Variants in PDHX observed in about 807,000 individuals in gnomAD.
PDHX encodes the protein pyruvate dehydrogenase complex component X.
In PDHX, 33 loss-of-function variants were observed where a neutral mutation model predicts 55.3. That is an observed-to-expected ratio of 0.60 (90% CI 0.45 to 0.80). The LOEUF is 0.80. PDHX is among the 30% of genes least tolerant of loss of function. The pLI is 0.00. For synonymous variants in PDHX, 226 were observed against 219.4 expected, an observed-to-expected ratio of 1.03 and a Z score of -0.27; for missense variants, 622 against 619.9, an observed-to-expected ratio of 1.00 and a Z score of -0.04.
intron 9 of PDHX, among the ~76,000 whole-genome samples, chr11:34,991,274 A>G (rs1855752141): frequency 6.6e-6 from 1 of 152,196 alleles, no homozygotes; most frequent in Non-Finnish European, 1.5e-5. Context: ...ATCAAGAACC[A>G]AAAGAAGTCT....
At chr11:34,972,025 TCAC>T (rs1351979708) in intron 7 of PDHX, among the ~76,000 whole-genome samples, 2 of 151,790 alleles carry the variant, frequency 1.3e-5, no homozygotes. Context: ...ATAAAGTTAT[TCAC>T]CACATTACCT....
chr11:34,945,281 A>G (rs1003538884), intron 2 of PDHX, among the ~76,000 whole-genome samples: 5 of 152,198 alleles, frequency 3.3e-5, no homozygotes, highest in Admixed American at 1.3e-4. Context: ...TAAACCCTCA[A>G]ACATTACTTT....
At chr11:34,926,319 C>T (rs370259165) in intron 1 of PDHX, among the ~76,000 whole-genome samples, 2 of 152,130 alleles carry the variant, frequency 1.3e-5, no homozygotes, top group South Asian at 2.1e-4. Context: ...TTGAAGGCTC[C>T]GTTTTATTTA....
chr11:34,981,085 G>A (rs959476200), intron 8 of PDHX, among the ~76,000 whole-genome samples: 1 of 151,860 alleles, frequency 6.6e-6, no homozygotes, highest in South Asian at 2.1e-4. Context: ...TGCCGTGTTG[G>A]TGTGCTGCAC....
intron 3 of PDHX, among the ~76,000 whole-genome samples, chr11:34,956,048 A>G (rs1854900228): frequency 6.6e-6 from 1 of 152,212 alleles, no homozygotes; most frequent in Admixed American, 6.5e-5. Context: ...ATCTTAACTC[A>G]TCTTTTTGAC....
At chr11:34,954,688 A>G (rs996065396) in intron 3 of PDHX, among the ~76,000 whole-genome samples, 2 of 152,208 alleles carry the variant, frequency 1.3e-5, no homozygotes, top group Admixed American at 1.3e-4. Context: ...AAAAATCCAT[A>G]ATTTGAAGGA....
intron 2 of PDHX, among the ~76,000 whole-genome samples, chr11:34,945,339 T>G (rs1185340545): frequency 6.6e-6 from 1 of 152,210 alleles, no homozygotes; most frequent in Admixed American, 6.5e-5. Flanking sequence ...ATAACTTGTT[T>G]CTTATAGCCC....
In PDHX at chr11:34,995,042, C is replaced by G; in HGVS notation, c.1376C>G (p.Ala459Gly). The G allele has an allele frequency of 1.9e-6, 3 of 1,614,024 alleles. No homozygotes were observed. The highest frequency in any genetic ancestry group is 2.5e-6 in the Non-Finnish European group (3 of 1,179,940). Reference protein sequence around the residue: ...LKLTEDEEGNAKLQQRQLITV... With the variant: ...LKLTEDEEGNGKLQQRQLITV... ...CTCACTGAGGATGAAGAGGGAAATG[C>G]CAAACTGCAGCAGCGCCAGCTCATA... Residue 459 changes from alanine (A) to glycine (G), a missense_variant, in exon 11 of 11, where the codon GCC (alanine) becomes GGC (glycine). Transcript: ENST00000227868.
chr11:34,987,658 A>T (rs1473999420), intron 9 of PDHX, among the ~76,000 whole-genome samples: 1 of 152,030 alleles, frequency 6.6e-6, no homozygotes, highest in Non-Finnish European at 1.5e-5. Flanking sequence ...TAGGCTCTAT[A>T]GAGATATGTT....
intron 2 of PDHX, among the ~76,000 whole-genome samples, chr11:34,933,743 T>G (rs915134106): frequency 1.3e-5 from 2 of 152,220 alleles, no homozygotes; most frequent in Non-Finnish European, 2.9e-5. Flanking sequence ...GCAGATGAGC[T>G]TTTAATATCT....
intron 10 of PDHX, among the ~76,000 whole-genome samples, chr11:34,993,045 G>T (rs1314696936): frequency 6.6e-6 from 1 of 152,074 alleles, no homozygotes; most frequent in South Asian, 2.1e-4. Flanking sequence ...GGGGTGTGTA[G>T]TGGTACTCTT....
chr11:34,978,472 G>A (rs1324191470), intron 8 of PDHX, among the ~76,000 whole-genome samples: 1 of 152,060 alleles, frequency 6.6e-6, no homozygotes, highest in Non-Finnish European at 1.5e-5. Flanking sequence ...CATTCTAGTT[G>A]GAGGAGACAA....
In PDHX at chr11:34,995,289, T is replaced by C; in HGVS notation, c.*117T>C. 8.5e-7 allele frequency: 1 copy of C among 1,171,302 alleles called. No individual in the cohort carries two copies. 72.6% of individuals were successfully genotyped at this position (1,171,302 alleles called of 1,614,324 possible). On this transcript the variant is annotated 3_prime_UTR_variant, in exon 11 of 11. Transcript: ENST00000227868. ...GTATGAAGTGGATGAAATGTTTATTTATTTAAGGTGAAAGCATTTGACCCA... is the reference window on the plus strand; with the variant it reads ...GTATGAAGTGGATGAAATGTTTATTCATTTAAGGTGAAAGCATTTGACCCA...
intron 1 of PDHX, among the ~76,000 whole-genome samples, chr11:34,930,862 T>C (rs7940226): frequency 0.19 from 28,816 of 152,208 alleles, 3,896 homozygotes; most frequent in African/African-American, 0.39. Context: ...TTTCCTTTCA[T>C]ACTTATTAGT....
chr11:34,947,279 A>G (rs374027124), intron 2 of PDHX, among the ~76,000 whole-genome samples: 1 of 152,106 alleles, frequency 6.6e-6, no homozygotes, highest in African/African-American at 2.4e-5. Flanking sequence ...TTTTATTATC[A>G]CAAGTATAAT....
chr11:34,917,327 C>T (rs1460396465), intron 1 of PDHX, among the ~76,000 whole-genome samples: 1 of 152,120 alleles, frequency 6.6e-6, no homozygotes, highest in Non-Finnish European at 1.5e-5. Context: ...TAAATTCCTA[C>T]GGCATCACGA....
At chr11:34,937,387 G>A (rs962763588) in intron 2 of PDHX, among the ~76,000 whole-genome samples, 6 of 151,836 alleles carry the variant, frequency 4.0e-5, no homozygotes, top group African/African-American at 1.5e-4. Flanking sequence ...AGTGGTGAAT[G>A]GGAGTTGAGG....
At chr11:34,951,598 C>G (rs1020340403) in intron 3 of PDHX, among the ~76,000 whole-genome samples, 22 of 151,954 alleles carry the variant, frequency 1.4e-4, no homozygotes, top group Non-Finnish European at 4.4e-5. Flanking sequence ...GGATATTAGC[C>G]CTTTGTCAGA....
At chr11:34,950,352 G>GTTTA (rs200716937) in intron 3 of PDHX, among the ~76,000 whole-genome samples, 1 of 150,048 alleles carries the variant, frequency 6.7e-6, no homozygotes, top group Admixed American at 6.6e-5. Context: ...TTTAATGTTT[G>GTTTA]TTTATTTATT....
Sources: allele counts gnomAD v4.1 joint callset (sites outside exome capture counted in the v4.1 genomes callset), GRCh38; gene constraint gnomAD v4.1.1; transcripts MANE v1.5; gene names NCBI Gene and HGNC (gene_info 2026-07-23, HGNC 2026-07-21).